PDE11A: variants seen among roughly 807,000 people sequenced by gnomAD.
PDE11A encodes the protein dual 3',5'-cyclic-AMP and -GMP phosphodiesterase 11A.
PDE11A carries 100 observed loss-of-function variants against 100.5 expected under a neutral mutation model. That is an observed-to-expected ratio of 1.00 (90% CI 0.85 to 1.18). The LOEUF is 1.18. PDE11A is among the 50% of genes most tolerant of loss of function. PDE11A has a pLI of 0.00. For synonymous variants in PDE11A, 381 were observed against 420.8 expected (o/e 0.91, Z 1.16); for missense variants, 1,141 against 1,152.6 (o/e 0.99, Z 0.15).
intron 2 of PDE11A, among the ~76,000 whole-genome samples, chr2:177,923,205 C>A (rs2085077663): frequency 6.6e-6 from 1 of 151,680 alleles, no homozygotes; most frequent in Non-Finnish European, 1.5e-5. Flanking sequence ...AATACAGGGT[C>A]TTGCTCTGCT....
At chr2:177,841,265 A>G (rs533030243) in intron 5 of PDE11A, among the ~76,000 whole-genome samples, 1 of 152,290 alleles carries the variant, frequency 6.6e-6, no homozygotes, top group Non-Finnish European at 1.5e-5. Flanking sequence ...AAAATTGAGA[A>G]CTGTTCAAAT....
intron 5 of PDE11A, among the ~76,000 whole-genome samples, chr2:177,872,374 G>A (rs1374903662): frequency 6.6e-6 from 1 of 152,192 alleles, no homozygotes; most frequent in Non-Finnish European, 1.5e-5. Flanking sequence ...CCTGGAAGAG[G>A]AGCACACTTC....
At chr2:177,654,738 G>A (rs73977694) in intron 19 of PDE11A, among the ~76,000 whole-genome samples, 10,068 of 152,180 alleles carry the variant, frequency 0.066, 915 homozygotes, top group African/African-American at 0.21. Flanking sequence ...TCTCTAAGGT[G>A]ATGTATATTT....
intron 4 of PDE11A, among the ~76,000 whole-genome samples, chr2:177,884,562 G>C (rs552201064): frequency 6.6e-6 from 1 of 152,176 alleles, no homozygotes; most frequent in Admixed American, 6.6e-5. Context: ...GTAAAGGATA[G>C]AGCAAGGCTG....
chr2:177,806,300 A>G (rs536559145), intron 9 of PDE11A, among the ~76,000 whole-genome samples: 1 of 152,298 alleles, frequency 6.6e-6, no homozygotes, highest in East Asian at 1.9e-4. Context: ...TCAAATCCTG[A>G]TTGTGACCAG....
chr2:177,756,542 C>T (rs1042234424), intron 10 of PDE11A, among the ~76,000 whole-genome samples: 1 of 152,136 alleles, frequency 6.6e-6, no homozygotes, highest in African/African-American at 2.4e-5. Flanking sequence ...AACTTAAGCC[C>T]AAGTGTTGAG....
intron 5 of PDE11A, among the ~76,000 whole-genome samples, chr2:177,848,190 G>T (rs1235636110): frequency 6.6e-6 from 1 of 151,984 alleles, no homozygotes; most frequent in African/African-American, 2.4e-5. Context: ...ATATTTAATA[G>T]CTTCATACAT....
intron 9 of PDE11A, among the ~76,000 whole-genome samples, chr2:177,816,002 G>C (rs112406394): frequency 0.098 from 14,950 of 152,184 alleles, 772 homozygotes; most frequent in Middle Eastern, 0.14. Flanking sequence ...CCTGAGGTCA[G>C]GAGTTCAAGA....
intron 2 of PDE11A, among the ~76,000 whole-genome samples, chr2:178,009,095 T>A (rs903174569): frequency 6.6e-6 from 1 of 152,214 alleles, no homozygotes; most frequent in African/African-American, 2.4e-5. Context: ...CCCTTGCTCT[T>A]TTCCATTTCC....
intron 2 of PDE11A, among the ~76,000 whole-genome samples, chr2:177,933,299 T>A (rs1157933600): frequency 1.3e-5 from 2 of 152,146 alleles, no homozygotes; most frequent in Non-Finnish European, 2.9e-5. Flanking sequence ...ACTACCAATG[T>A]CATTTTTCAT....
chr2:178,068,095 G>A (rs962327807), intron 1 of PDE11A, among the ~76,000 whole-genome samples: 1 of 152,072 alleles, frequency 6.6e-6, no homozygotes, highest in Non-Finnish European at 1.5e-5. Context: ...CCTGTTACTT[G>A]AATGCTCTTA....
intron 5 of PDE11A, among the ~76,000 whole-genome samples, chr2:177,871,588 T>A (rs1459068267): frequency 6.6e-6 from 1 of 150,512 alleles, no homozygotes; most frequent in Non-Finnish European, 1.5e-5. Context: ...ATCTTAGGCT[T>A]GGCATGGTGG....
rs561972912 is a variant in PDE11A at position 177,760,605 on chromosome 2, A to AT, written c.1788+8717dup. Among the ~76,000 whole-genome samples, 683 of 152,248 alleles carry AT rather than the reference A, an allele frequency of 4.5e-3. 3 individuals carry two copies. The highest frequency in any genetic ancestry group is 7.3e-3 in the Non-Finnish European group (495 of 68,008). On this transcript the variant is annotated intron_variant, in intron 10 of 19. Coordinates refer to ENST00000286063, the MANE Select transcript of PDE11A (RefSeq NM_016953.4). ...TTTTATAGGTTCATAAAATTATAGC[A>AT]TTTTTTAGCTAGAGATGGCTTTGTT...
rs542294001 is a variant in PDE11A, at chr2:177,877,474, C to T, written c.1303-1551G>A. 1.6e-4 allele frequency among the ~76,000 whole-genome samples: 24 copies of T among 152,258 alleles called. No individual in the cohort carries two copies. In the East Asian group the frequency reaches 4.1e-3, roughly 26 times the overall value. On this transcript the variant is annotated intron_variant, in intron 4 of 19. Coordinates refer to ENST00000286063, the MANE Select transcript of PDE11A (RefSeq NM_016953.4). The stretch of plus-strand genomic sequence containing the variant: ...GCCACCGCATCTGGCCAAAGGTTAT[C>T]TTATTATGCAGATAAAGTCTCCCGG...
chr2:177,827,048 C>A (rs1231884479), intron 6 of PDE11A, among the ~76,000 whole-genome samples: 2 of 152,228 alleles, frequency 1.3e-5, no homozygotes, highest in South Asian at 2.1e-4. Flanking sequence ...TAGCTCTCAG[C>A]AGCCACTGTG....
rs1307580577 is a variant in PDE11A, at chr2:178,072,051, C to T, written c.387G>A (p.Lys129=). 3 of 1,613,884 alleles carry T rather than the reference C, an allele frequency of 1.9e-6. No individual in the cohort carries two copies. Among genetic ancestry groups the T allele is most frequent in the African/African-American group, 2.7e-5 (2 of 74,924 alleles). Residue 129 remains lysine (K), a synonymous_variant, in exon 1 of 20, where the codon AAG becomes AAA. Coordinates refer to ENST00000286063, the MANE Select transcript of PDE11A (RefSeq NM_016953.4). ...CGTAGGTCCTGTTCACGTGGATGGCCTTGGAGCGGGCAAAACTCTTCCTTA... is the reference window on the plus strand; with the variant it reads ...CGTAGGTCCTGTTCACGTGGATGGCTTTGGAGCGGGCAAAACTCTTCCTTA... ...KELRKSFARS[K]AIHVNRTYDE...
At chr2:177,960,215 G>A (rs956160667) in intron 2 of PDE11A, among the ~76,000 whole-genome samples, 35 of 151,694 alleles carry the variant, frequency 2.3e-4, no homozygotes, top group African/African-American at 6.3e-4. Context: ...AAATTAAAGC[G>A]GACTTTAATT....
In PDE11A at chr2:177,625,296, C is replaced by A. The variant is rs1269243589; in HGVS notation, c.*4111G>T. On this transcript the variant is annotated 3_prime_UTR_variant, in exon 20 of 20. Transcript: ENST00000286063. ...TGGAAAATTTCTTTAAAGCTAAACA[C>A]GTCTTGGTCCTTTGGTGTGGGGACT... 1 of 152,578 alleles carries A rather than the reference C, an allele frequency of 6.6e-6. No individual in the cohort carries two copies. The highest frequency in any genetic ancestry group is 2.4e-5 in the African/African-American group (1 of 41,432). 9.5% of individuals were successfully genotyped at this position (152,578 alleles called of 1,614,324 possible).
At chr2:178,070,076 T>C (rs144273090) in intron 1 of PDE11A, among the ~76,000 whole-genome samples, 5 of 152,356 alleles carry the variant, frequency 3.3e-5, no homozygotes, top group African/African-American at 1.2e-4. Flanking sequence ...AAAATTTTTA[T>C]AGAATCTTCA....
Sources: gnomAD v4.1 joint callset for allele counts (sites outside exome capture counted in the v4.1 genomes callset) on GRCh38, gnomAD v4.1.1 for gene constraint, MANE v1.5 for transcripts, NCBI Gene and HGNC (gene_info 2026-07-23, HGNC 2026-07-21) for gene names.